Variants in LRP6 observed in about 807,000 individuals in gnomAD.
LRP6 encodes the protein LDL receptor related protein 6.
A neutral mutation model predicts 184.1 loss-of-function variants in LRP6; 43 were observed. The observed-to-expected ratio is 0.23, with a 90% CI of 0.18 to 0.30. LRP6 has a LOEUF of 0.30. Among genes scored for constraint, LRP6 ranks in the 10% least tolerant of loss-of-function variants. The pLI is 1.00. For synonymous variants in LRP6, 719 were observed against 684.9 expected, an observed-to-expected ratio of 1.05 and a Z score of -0.78; for missense variants, 1,571 against 2,005.3, an observed-to-expected ratio of 0.78 and a Z score of 4.14.
At chr12:12,189,513 T>G (rs1333141876) in intron 3 of LRP6, among the ~76,000 whole-genome samples, 1 of 152,192 alleles carries the variant, frequency 6.6e-6, no homozygotes, top group African/African-American at 2.4e-5. Flanking sequence ...TATTAATTTT[T>G]TTTTTGAGAC....
chr12:12,262,531 C>G (rs1487988967), intron 1 of LRP6, among the ~76,000 whole-genome samples: 1 of 149,850 alleles, frequency 6.7e-6, no homozygotes, highest in African/African-American at 2.5e-5. Context: ...GCACTTCAGC[C>G]TGAGCGACAG....
At chr12:12,154,651 G>C (rs1934450817) in intron 12 of LRP6, among the ~76,000 whole-genome samples, 1 of 152,126 alleles carries the variant, frequency 6.6e-6, no homozygotes, top group African/African-American at 2.4e-5. Context: ...GACTGCTTGA[G>C]CCCAGGAGTT....
intron 17 of LRP6, 21 bp from the exon 18 acceptor site, chr12:12,132,078 G>A (rs771552206): frequency 1.6e-5 from 24 of 1,533,712 alleles, no homozygotes; most frequent in Non-Finnish European, 2.1e-5. Flanking sequence ...ACAAGGAGAA[G>A]GGGAGTGACA....
intron 19 of LRP6, among the ~76,000 whole-genome samples, chr12:12,129,577 G>A (rs1013856293): frequency 9.9e-5 from 15 of 151,590 alleles, no homozygotes; most frequent in Admixed American, 2.0e-4. Flanking sequence ...TTTTGAGATG[G>A]AGTCTCGCCC....
chr12:12,125,407 G>C lies in LRP6; in HGVS notation c.4338C>G (p.Ile1446Met). ...LPGMSRGKSM[I>M]SSLSIMGGSS... Reference sequence around the variant, plus strand: ...TTCCCCCCATGATACTGAGGGAGCTGATCATTGATTTACCTCGAGACATTC... The same window carrying C: ...TTCCCCCCATGATACTGAGGGAGCTCATCATTGATTTACCTCGAGACATTC... Residue 1446 changes from isoleucine (I) to methionine (M), a missense_variant, in exon 21 of 23, where the codon ATC becomes ATG. Transcript: ENST00000261349. 1.9e-6 allele frequency: 3 copies of C among 1,613,962 alleles called. No homozygotes were observed. The highest frequency in any genetic ancestry group is 2.5e-6 in the Non-Finnish European group (3 of 1,179,946).
chr12:12,226,307 TA>T (rs1864621741), intron 2 of LRP6, among the ~76,000 whole-genome samples: 1 of 152,136 alleles, frequency 6.6e-6, no homozygotes, highest in South Asian at 2.1e-4. Context: ...CAAGGCATAC[TA>T]AAAGACAAAA....
At chr12:12,240,705 T>G (rs1385753033) in intron 2 of LRP6, among the ~76,000 whole-genome samples, 4 of 152,184 alleles carry the variant, frequency 2.6e-5, no homozygotes, top group Non-Finnish European at 5.9e-5. Flanking sequence ...TAAAATGATT[T>G]GGAATATGAA....
At chr12:12,166,967 G>A (rs920322901) in intron 7 of LRP6, among the ~76,000 whole-genome samples, 4 of 152,096 alleles carry the variant, frequency 2.6e-5, no homozygotes, top group Non-Finnish European at 5.9e-5. Flanking sequence ...AGCATGGTGT[G>A]GTAAGCCTGT....
chr12:12,217,936 A>G (rs1167436916), intron 2 of LRP6, among the ~76,000 whole-genome samples: 3 of 152,214 alleles, frequency 2.0e-5, no homozygotes, highest in Non-Finnish European at 2.9e-5. Context: ...TTAGAAGACA[A>G]TGAGTAAATA....
intron 1 of LRP6, among the ~76,000 whole-genome samples, chr12:12,246,400 G>A (rs1349425195): frequency 6.6e-6 from 1 of 151,670 alleles, no homozygotes; most frequent in East Asian, 1.9e-4. Context: ...CTGGAATGCA[G>A]AACATAAATG....
intron 2 of LRP6, among the ~76,000 whole-genome samples, chr12:12,214,969 GT>G (rs1475241039): frequency 6.6e-6 from 1 of 152,158 alleles, no homozygotes; most frequent in Non-Finnish European, 1.5e-5. Flanking sequence ...GCCCGCCTTA[GT>G]TCCTGTTTCT....
intron 3 of LRP6, among the ~76,000 whole-genome samples, chr12:12,199,551 C>G (rs1008591022): frequency 6.6e-6 from 1 of 152,124 alleles, no homozygotes; most frequent in Non-Finnish European, 1.5e-5. Flanking sequence ...TGAGTGAGAG[C>G]GTCTCTCAGA....
In LRP6 at chr12:12,220,748, G is replaced by A. The variant is rs554659906; in HGVS notation, c.450-17348C>T. Among the ~76,000 whole-genome samples, 10 of 151,950 alleles carry A rather than the reference G, an allele frequency of 6.6e-5. No individual in the cohort carries two copies. The East Asian group carries it at 1.2e-3, about 18-fold the overall frequency. Reference sequence around the variant, plus strand: ...TGAGTAAATGGGAGCATAGGAGTGCGCCACCACACCCGGTTAATTTTTTCT... The same window carrying A: ...TGAGTAAATGGGAGCATAGGAGTGCACCACCACACCCGGTTAATTTTTTCT... On this transcript the variant is annotated intron_variant, in intron 2 of 22. Coordinates refer to ENST00000261349, the MANE Select transcript of LRP6 (RefSeq NM_002336.3).
chr12:12,179,019 C>CA (rs1271372448), intron 7 of LRP6, among the ~76,000 whole-genome samples: 1 of 152,064 alleles, frequency 6.6e-6, no homozygotes, highest in Non-Finnish European at 1.5e-5. Context: ...AAGTTTCCCC[C>CA]AAAGGAAAAT....
intron 19 of LRP6, among the ~76,000 whole-genome samples, chr12:12,127,863 A>T (rs923180525): frequency 6.6e-6 from 1 of 152,220 alleles, no homozygotes; most frequent in African/African-American, 2.4e-5. Context: ...GATTATATGA[A>T]AGAAATGCGT....
rs545037698 is a variant in LRP6, at chr12:12,119,827, T to C, written c.*1299A>G. 4.0e-5 allele frequency: 6 copies of C among 151,682 alleles called. No homozygotes were observed. In the South Asian group the frequency reaches 1.0e-3, roughly 26 times the overall value. The allele number at this position is 151,682 out of a possible 1,614,324, so 9.4% of individuals were successfully genotyped here. A position where few individuals can be genotyped will look rare whatever the true frequency, so the allele number is the denominator to read the frequency against. On this transcript the variant is annotated 3_prime_UTR_variant, in exon 23 of 23. Transcript: ENST00000261349. ...TTCATGTCACACATTAGAAGAGGTA[T>C]GTATGTAGACATTATTCTGAGAAAA... is the stretch of plus-strand genomic sequence containing the variant.
chr12:12,159,774 G>A lies in LRP6; in HGVS notation c.2464+6C>T, dbSNP rs751501410. ...TACTGTTTGAGTAAAAAGTAGTAAAGCTTACCAAGCATATTTGAAGATTCT... is the reference window on the plus strand; with the variant it reads ...TACTGTTTGAGTAAAAAGTAGTAAAACTTACCAAGCATATTTGAAGATTCT... On this transcript the variant is annotated splice_donor_region_variant and intron_variant, in intron 11 of 22. Coordinates refer to ENST00000261349, the MANE Select transcript of LRP6 (RefSeq NM_002336.3). The A allele has an allele frequency of 6.2e-6, 10 of 1,613,776 alleles. No homozygotes were observed. The highest frequency in any genetic ancestry group is 8.5e-6 in the Non-Finnish European group (10 of 1,179,700).
chr12:12,221,843 G>A (rs981126317), intron 2 of LRP6, among the ~76,000 whole-genome samples: 2 of 152,170 alleles, frequency 1.3e-5, no homozygotes, highest in Non-Finnish European at 2.9e-5. Flanking sequence ...CACATAGTCT[G>A]GGAGGATGAC....
chr12:12,255,828 C>T (rs778927474), intron 1 of LRP6, among the ~76,000 whole-genome samples: 7 of 152,054 alleles, frequency 4.6e-5, no homozygotes, highest in Non-Finnish European at 1.0e-4. Flanking sequence ...CCACGGCCTT[C>T]CAAAGTGCTG....
Sources: gnomAD v4.1 joint callset for allele counts (sites outside exome capture counted in the v4.1 genomes callset) on GRCh38, gnomAD v4.1.1 for gene constraint, MANE v1.5 for transcripts, NCBI Gene and HGNC (gene_info 2026-07-23, HGNC 2026-07-21) for gene names.